The following GPR89B variants were observed in gnomAD, a reference collection of about 807,000 sequenced individuals.
GPR89B encodes the protein G protein-coupled receptor 89B.
A neutral mutation model predicts 52.4 loss-of-function variants in GPR89B; 25 were observed. The ratio of observed to expected loss-of-function variants is 0.48; its 90% CI spans 0.35 to 0.67. The LOEUF (loss-of-function observed/expected upper bound fraction) is 0.67, where lower values mean the gene tolerates loss of function less well. GPR89B is among the 30% of genes least tolerant of loss of function. The pLI is 0.01. For missense variants in GPR89B, 146 were observed against 450.2 expected, an observed-to-expected ratio of 0.32 and a Z score of 6.11; for synonymous variants, 52 against 151.2, an observed-to-expected ratio of 0.34 and a Z score of 4.81.
chr1:147,941,320 G>A (rs587713419), intron 3 of GPR89B, among the ~76,000 whole-genome samples: 44 of 152,312 alleles, frequency 2.9e-4, no homozygotes, highest in Admixed American at 7.8e-4. Flanking sequence ...CAAACCCACC[G>A]CTTCCCAAAA....
the GPR89B span, chr1:148,014,892 T>C: frequency 6.6e-6 from 1 of 151,824 alleles, no homozygotes; most frequent in South Asian, 2.1e-4. Context: ...GCTGCCCTTC[T>C]AGCTTCAGAA....
In GPR89B at chr1:147,928,454, C is replaced by T; in HGVS notation, c.-83C>T. On this transcript the variant is annotated 5_prime_UTR_variant, in exon 1 of 14. Coordinates refer to ENST00000314163, the MANE Select transcript of GPR89B (RefSeq NM_016334.5). ...GCTGCAGCACCTGGGAGAAGGCAGACCGTGTGAGGGGGCCTGTGGCCCCAG... is the reference window on the plus strand; with the variant it reads ...GCTGCAGCACCTGGGAGAAGGCAGATCGTGTGAGGGGGCCTGTGGCCCCAG... 1 of 1,547,282 alleles carries T rather than the reference C, an allele frequency of 6.5e-7. No homozygotes were observed.
rs199854363 is a variant in GPR89B at position 147,948,756 on chromosome 1, A to AT, written c.416-4567dup. ...TTGTGGAAGCCAAGAAGATAAAATA[A>AT]TTTTTTTTTTTTTTTTTTTTTTAAT... On this transcript the variant is annotated intron_variant, in intron 5 of 13. Transcript: ENST00000314163. 5.4e-3 allele frequency among the ~76,000 whole-genome samples: 745 copies of AT among 138,312 alleles called. 2 individuals carry two copies. Among genetic ancestry groups the AT allele is most frequent in the South Asian group, 0.013 (55 of 4,288 alleles). 90.7% of individuals were successfully genotyped at this position (138,312 alleles called of 152,430 possible).
At chr1:147,952,897 G>T (rs1182245250) in intron 5 of GPR89B, among the ~76,000 whole-genome samples, 1 of 150,024 alleles carries the variant, frequency 6.7e-6, no homozygotes, top group Non-Finnish European at 1.5e-5. Flanking sequence ...TAAGACAAAA[G>T]CAAAAGAGTA....
chr1:147,972,314 G>T (rs1364831074), intron 10 of GPR89B, among the ~76,000 whole-genome samples: 1 of 151,522 alleles, frequency 6.6e-6, no homozygotes, highest in South Asian at 2.1e-4. Flanking sequence ...GTATAGACGT[G>T]TGCTGTCTTT....
chr1:147,950,175 T>G (rs1261204184), intron 5 of GPR89B, among the ~76,000 whole-genome samples: 8 of 126,694 alleles, frequency 6.3e-5, no homozygotes, highest in South Asian at 2.7e-4. Flanking sequence ...TCACTTCTCA[T>G]ATGGGGCGGT....
chr1:147,990,849 T>C (rs1659013155), intron 12 of GPR89B, among the ~76,000 whole-genome samples: 1 of 151,502 alleles, frequency 6.6e-6, no homozygotes, highest in South Asian at 2.1e-4. Flanking sequence ...TTGGTTACTG[T>C]AGCCTTGTAG....
At chr1:148,009,839 C>T in the GPR89B span, among the ~76,000 whole-genome samples, 3 of 152,056 alleles carry the variant, frequency 2.0e-5, no homozygotes, top group African/African-American at 4.8e-5. Flanking sequence ...AGGGTTCTTA[C>T]AAGACTGGTC....
intron 12 of GPR89B, among the ~76,000 whole-genome samples, chr1:147,991,850 A>G (rs1659093608): frequency 6.6e-6 from 1 of 151,924 alleles, no homozygotes; most frequent in African/African-American, 2.4e-5. Context: ...TCAGTTTGCC[A>G]GTATTTTATT....
At chr1:147,951,438 G>A (rs1293872621) in intron 5 of GPR89B, among the ~76,000 whole-genome samples, 26 of 152,152 alleles carry the variant, frequency 1.7e-4, no homozygotes, top group Non-Finnish European at 3.7e-4. Flanking sequence ...AACTGGAGGT[G>A]AAGAAAAAGT....
At chr1:147,994,054 G>T (rs1203953412), downstream of GPR89B, 2,132 of 1,024,400 alleles carry the variant, frequency 2.1e-3, 13 homozygotes, top group South Asian at 0.015. Context: ...GCTTGGAAAA[G>T]ATCACATGAA....
At chr1:148,015,359 G>T in the GPR89B span, among the ~76,000 whole-genome samples, 12 of 138,166 alleles carry the variant, frequency 8.7e-5, no homozygotes, top group Non-Finnish European at 3.1e-5. Context: ...TCTGTCACCA[G>T]GCTGGAGTGC....
At chr1:148,017,915 TG>T in the GPR89B span, among the ~76,000 whole-genome samples, 12 of 140,040 alleles carry the variant, frequency 8.6e-5, no homozygotes, top group Non-Finnish European at 1.8e-4. Flanking sequence ...GACAGGGGAA[TG>T]GGAGTGGGAT....
chr1:147,972,368 C>T (rs1657536300), intron 10 of GPR89B, among the ~76,000 whole-genome samples: 2 of 151,138 alleles, frequency 1.3e-5, no homozygotes, highest in African/African-American at 2.4e-5. Flanking sequence ...GATCATATGG[C>T]AGATGTAATG....
chr1:147,975,497 G>A (rs2149082978), intron 10 of GPR89B, among the ~76,000 whole-genome samples: 1 of 151,714 alleles, frequency 6.6e-6, no homozygotes, highest in East Asian at 1.9e-4. Context: ...TATTTCTGTG[G>A]GATCAGTGGT....
the GPR89B span, among the ~76,000 whole-genome samples, chr1:148,025,523 CAAAAAAAAAAAAAAA>C: frequency 5.1e-4 from 15 of 29,658 alleles, no homozygotes; most frequent in Middle Eastern, 0.016. Flanking sequence ...AACTCTGTCT[CAAAAAAAAAAAAAAA>C]AAAAAAAAAA....
chr1:148,020,751 G>C, the GPR89B span, among the ~76,000 whole-genome samples: 2 of 151,942 alleles, frequency 1.3e-5, no homozygotes, highest in South Asian at 2.1e-4. Flanking sequence ...GCAGTTGCAC[G>C]ATCCTGGCTC....
intron 5 of GPR89B, among the ~76,000 whole-genome samples, chr1:147,950,794 G>A (rs1234401041): frequency 7.9e-5 from 12 of 152,308 alleles, no homozygotes; most frequent in Middle Eastern, 3.4e-3. Flanking sequence ...CCAGTCAGGC[G>A]TGGTGGCGCA....
chr1:148,016,766 C>T, the GPR89B span, among the ~76,000 whole-genome samples: 1 of 151,430 alleles, frequency 6.6e-6, no homozygotes, highest in African/African-American at 2.4e-5. Flanking sequence ...GCTTCCTTTC[C>T]TCCCCGCTCC....
Sources: allele counts gnomAD v4.1 joint callset (sites outside exome capture counted in the v4.1 genomes callset), GRCh38; gene constraint gnomAD v4.1.1; transcripts MANE v1.5; gene names NCBI Gene and HGNC (gene_info 2026-07-23, HGNC 2026-07-21).